PPM1L: variants seen among roughly 807,000 people sequenced by gnomAD.
PPM1L encodes protein phosphatase, Mg2+/Mn2+ dependent 1L.
Under a neutral mutation model 31.4 loss-of-function variants are expected in PPM1L, and 13 were observed. That is an observed-to-expected ratio of 0.41 (90% CI 0.27 to 0.66). PPM1L has a LOEUF of 0.66. Among genes scored for constraint, PPM1L ranks in the 30% least tolerant of loss-of-function variants. The pLI is 0.29. For synonymous variants in PPM1L, 184 were observed against 175.4 expected (o/e 1.05, Z -0.39); for missense variants, 326 against 453.7 (o/e 0.72, Z 2.56).
chr3:160,797,646 A>G (rs1712298649), intron 1 of PPM1L, among the ~76,000 whole-genome samples: 1 of 152,230 alleles, frequency 6.6e-6, no homozygotes, highest in Admixed American at 6.5e-5. Flanking sequence ...TCCAGTGAAC[A>G]CAAGAAAGAC....
intron 2 of PPM1L, among the ~76,000 whole-genome samples, chr3:161,060,774 G>T (rs1163753326): frequency 1.3e-5 from 2 of 150,294 alleles, no homozygotes; most frequent in South Asian, 2.1e-4. Context: ...ATGAGATAAG[G>T]TTATTAGGTT....
At chr3:160,883,422 C>T (rs1280117280) in intron 1 of PPM1L, among the ~76,000 whole-genome samples, 40 of 152,016 alleles carry the variant, frequency 2.6e-4, no homozygotes, top group Admixed American at 2.5e-3. Flanking sequence ...TCTGAAAAGT[C>T]CTGCAGTAAG....
At position 160,893,379 on chromosome 3, in the gene PPM1L, A is replaced by C. The variant is rs1713219873; in HGVS notation, c.400-68357A>C. 2.6e-5 allele frequency among the ~76,000 whole-genome samples: 4 copies of C among 152,212 alleles called. No homozygotes were observed. In the South Asian group the frequency reaches 8.3e-4, roughly 31 times the overall value. Reference sequence around the variant, plus strand: ...AGTATATAGTGAACATCTTCCCTCCAGCTGAGCTTTTGAAATAGCTCACTC... The same window carrying C: ...AGTATATAGTGAACATCTTCCCTCCCGCTGAGCTTTTGAAATAGCTCACTC... On this transcript the variant is annotated intron_variant, in intron 1 of 3. Coordinates refer to ENST00000498165, the MANE Select transcript of PPM1L (RefSeq NM_139245.4).
At chr3:160,834,455 G>C (rs2108099710) in intron 1 of PPM1L, among the ~76,000 whole-genome samples, 1 of 148,180 alleles carries the variant, frequency 6.7e-6, no homozygotes, top group African/African-American at 2.6e-5. Flanking sequence ...GTTTTTACAT[G>C]CATTTGTGTA....
intron 1 of PPM1L, among the ~76,000 whole-genome samples, chr3:160,902,052 G>T (rs1713562862): frequency 6.6e-6 from 1 of 152,132 alleles, no homozygotes. Context: ...AGGTAAATGT[G>T]TAGGGCCAAT....
chr3:160,893,920 A>G (rs1042940245), intron 1 of PPM1L, among the ~76,000 whole-genome samples: 1 of 152,186 alleles, frequency 6.6e-6, no homozygotes, highest in Non-Finnish European at 1.5e-5. Context: ...GATATGTGGT[A>G]TGATACTTTT....
At chr3:160,819,369 T>A (rs1166257064) in intron 1 of PPM1L, among the ~76,000 whole-genome samples, 1 of 152,044 alleles carries the variant, frequency 6.6e-6, no homozygotes, top group East Asian at 1.9e-4. Context: ...AGTTTTTGTT[T>A]TAATTCCAGC....
rs1475817832 is a variant in PPM1L at position 161,038,587 on chromosome 3, A to T, written c.575-26816A>T. Among the ~76,000 whole-genome samples, 145 of 24,348 alleles carry T rather than the reference A, an allele frequency of 6.0e-3. 1 individual carries two copies. In the African/African-American group the frequency reaches 0.073, roughly 12 times the overall value. 16.0% of individuals were successfully genotyped at this position (24,348 alleles called of 152,430 possible). A position where few individuals can be genotyped will look rare whatever the true frequency, so the allele number is the denominator to read the frequency against. On this transcript the variant is annotated intron_variant, in intron 2 of 3. Transcript: ENST00000498165. ...TCCCAAAATGCTGGGATTTGTTTTAAAAAAAAAAAAAAAAAAAAAAAAAAA... is the reference window on the plus strand; with the variant it reads ...TCCCAAAATGCTGGGATTTGTTTTATAAAAAAAAAAAAAAAAAAAAAAAAA...
intron 1 of PPM1L, among the ~76,000 whole-genome samples, chr3:160,757,641 C>G (rs1164250780): frequency 6.6e-6 from 1 of 152,240 alleles, no homozygotes; most frequent in African/African-American, 2.4e-5. Context: ...GTGGCTCTAG[C>G]GCCATGCTCC....
chr3:160,858,258 T>G (rs930600041), intron 1 of PPM1L, among the ~76,000 whole-genome samples: 5 of 152,226 alleles, frequency 3.3e-5, no homozygotes, highest in Non-Finnish European at 5.9e-5. Flanking sequence ...TTTTCTTTTT[T>G]TTCTTTTTTC....
At chr3:161,033,009 A>G (rs1316053780) in intron 2 of PPM1L, among the ~76,000 whole-genome samples, 5 of 151,624 alleles carry the variant, frequency 3.3e-5, no homozygotes, top group Non-Finnish European at 7.4e-5. Context: ...GAAAAGTTGT[A>G]AAGTATTGGG....
At chr3:160,945,046 A>ATAACTATATATAACATG (rs1559897656) in intron 1 of PPM1L, among the ~76,000 whole-genome samples, 235 of 10,882 alleles carry the variant, frequency 0.022, 74 homozygotes, top group African/African-American at 0.045. Context: ...TAACATATAT[A>ATAACTATATATAACATG]TTATATATAA....
In PPM1L at chr3:160,899,361, A is replaced by G. The variant is rs181551067; in HGVS notation, c.400-62375A>G. Among the ~76,000 whole-genome samples, 347 of 152,272 alleles carry G rather than the reference A, an allele frequency of 2.3e-3. 2 individuals are homozygous for G. The highest frequency in any genetic ancestry group is 7.9e-3 in the African/African-American group (327 of 41,576). On this transcript the variant is annotated intron_variant, in intron 1 of 3. Coordinates refer to ENST00000498165, the MANE Select transcript of PPM1L (RefSeq NM_139245.4). ...GATGGACTTGGACTCAAGTGTCTGT[A>G]AAGCCAAGCAGAATAAATGTGAAAT... is the stretch of plus-strand genomic sequence containing the variant.
intron 1 of PPM1L, among the ~76,000 whole-genome samples, chr3:160,849,429 T>C (rs1423773206): frequency 6.6e-6 from 1 of 151,986 alleles, no homozygotes; most frequent in African/African-American, 2.4e-5. Flanking sequence ...CTTTTTTTTT[T>C]TTAAGATGGA....
At position 160,965,168 on chromosome 3, in the gene PPM1L, G is replaced by A. The variant is rs1433250262; in HGVS notation, c.574+3258G>A. Reference sequence around the variant, plus strand: ...CGGGAGGCTGAGGCAGGAGAATGGCGTGAACCCAGGAGGCGGAGCTTGCAG... The same window carrying A: ...CGGGAGGCTGAGGCAGGAGAATGGCATGAACCCAGGAGGCGGAGCTTGCAG... On this transcript the variant is annotated intron_variant, in intron 2 of 3. Coordinates refer to ENST00000498165, the MANE Select transcript of PPM1L (RefSeq NM_139245.4). 2.6e-5 allele frequency among the ~76,000 whole-genome samples: 4 copies of A among 151,706 alleles called. No homozygotes were observed. In the East Asian group the frequency reaches 7.8e-4, roughly 30 times the overall value.
At chr3:160,785,942 T>C (rs1711901535) in intron 1 of PPM1L, among the ~76,000 whole-genome samples, 1 of 150,726 alleles carries the variant, frequency 6.6e-6, no homozygotes, top group South Asian at 2.1e-4. Context: ...TATTGCCAAA[T>C]TCCATTTGAT....
chr3:161,022,459 A>G, intron 2 of PPM1L: 1 of 271,626 alleles, frequency 3.7e-6, no homozygotes, highest in Non-Finnish European at 6.8e-6. Context: ...CTTCTGTAAA[A>G]AAATACATTT....
intron 1 of PPM1L, among the ~76,000 whole-genome samples, chr3:160,897,346 C>G (rs1436224817): frequency 6.6e-6 from 1 of 152,080 alleles, no homozygotes; most frequent in East Asian, 1.9e-4. Context: ...TGGCCAACTA[C>G]TGACTCTTAT....
intron 1 of PPM1L, among the ~76,000 whole-genome samples, chr3:160,847,098 A>T (rs918615598): frequency 6.6e-6 from 1 of 152,166 alleles, no homozygotes; most frequent in Non-Finnish European, 1.5e-5. Context: ...TCATGGTGCA[A>T]AATTTATTTC....
Sources: allele counts gnomAD v4.1 joint callset (sites outside exome capture counted in the v4.1 genomes callset), GRCh38; gene constraint gnomAD v4.1.1; transcripts MANE v1.5; gene names NCBI Gene and HGNC (gene_info 2026-07-23, HGNC 2026-07-21).